CSNK1G3: variants seen among roughly 807,000 people sequenced by gnomAD.
The protein encoded by CSNK1G3 is casein kinase I isoform gamma-3.
A neutral mutation model predicts 64.3 loss-of-function variants in CSNK1G3; 23 were observed. The ratio of observed to expected loss-of-function variants is 0.36; its 90% CI spans 0.26 to 0.51. CSNK1G3 has a LOEUF of 0.51. Ranked by LOEUF, CSNK1G3 falls within the 20% of genes least tolerant of loss-of-function variation. CSNK1G3 has a pLI of 0.96. For synonymous variants in CSNK1G3, 158 were observed against 162.2 expected (o/e 0.97, Z 0.20); for missense variants, 357 against 510.5 (o/e 0.70, Z 2.90).
chr5:123,532,998 ATTATCTT>A (rs1181051185), intron 1 of CSNK1G3, among the ~76,000 whole-genome samples: 1 of 151,856 alleles, frequency 6.6e-6, no homozygotes, highest in Admixed American at 6.6e-5. Flanking sequence ...AAATTTTTGT[ATTATCTT>A]TTAATTCTCC....
At chr5:123,527,891 T>C (rs1284824348) in intron 1 of CSNK1G3, among the ~76,000 whole-genome samples, 1 of 152,180 alleles carries the variant, frequency 6.6e-6, no homozygotes, top group African/African-American at 2.4e-5. Flanking sequence ...CTCCGTGTTT[T>C]CTAACATATT....
intron 6 of CSNK1G3, among the ~76,000 whole-genome samples, chr5:123,577,005 T>C (rs1056136893): frequency 1.3e-5 from 2 of 152,094 alleles, no homozygotes; most frequent in African/African-American, 2.4e-5. Context: ...TATTAATTCT[T>C]ATCTTATTTA....
chr5:123,513,664 A>C (rs1776639841), intron 1 of CSNK1G3, among the ~76,000 whole-genome samples: 2 of 152,266 alleles, frequency 1.3e-5, no homozygotes, highest in Middle Eastern at 3.4e-3. Context: ...CAGATATGAG[A>C]GATGGCAAAC....
At chr5:123,571,310 G>T (rs1232918953) in intron 4 of CSNK1G3, among the ~76,000 whole-genome samples, 1 of 152,040 alleles carries the variant, frequency 6.6e-6, no homozygotes, top group Non-Finnish European at 1.5e-5. Context: ...TTGAGAAGGA[G>T]TCTTGCTCTG....
chr5:123,574,185 T>C (rs1788698212), intron 5 of CSNK1G3, among the ~76,000 whole-genome samples: 1 of 152,160 alleles, frequency 6.6e-6, no homozygotes, highest in Non-Finnish European at 1.5e-5. Context: ...ATAGACTTTA[T>C]GACCTGGAAA....
chr5:123,531,121 C>T (rs374766523), intron 1 of CSNK1G3, among the ~76,000 whole-genome samples: 1 of 151,980 alleles, frequency 6.6e-6, no homozygotes, highest in African/African-American at 2.4e-5. Context: ...TTTGAGATAA[C>T]GAAGCAGTGG....
intron 1 of CSNK1G3, among the ~76,000 whole-genome samples, chr5:123,538,622 C>A: frequency 6.6e-6 from 1 of 152,080 alleles, no homozygotes; most frequent in African/African-American, 2.4e-5. Flanking sequence ...AGGAGAAATA[C>A]CTAATGTAGA....
chr5:123,609,477 A>G (rs1054891068), intron 12 of CSNK1G3, among the ~76,000 whole-genome samples: 2 of 152,204 alleles, frequency 1.3e-5, no homozygotes, highest in Non-Finnish European at 2.9e-5. Context: ...TTTAGTTTCT[A>G]TAATACTAAG....
chr5:123,540,272 G>C (rs761451814), intron 1 of CSNK1G3, among the ~76,000 whole-genome samples: 3 of 150,828 alleles, frequency 2.0e-5, no homozygotes, highest in Non-Finnish European at 3.0e-5. Context: ...TTATTTTTCC[G>C]TTTATCAGCT....
intron 1 of CSNK1G3, among the ~76,000 whole-genome samples, chr5:123,517,898 G>C (rs548473117): frequency 6.8e-6 from 1 of 147,270 alleles, no homozygotes; most frequent in Non-Finnish European, 1.5e-5. Flanking sequence ...TTACACTACT[G>C]CTTAGAGATT....
chr5:123,512,264 A>C (rs1278604235), exon 1 of CSNK1G3: 1 of 152,340 alleles, frequency 6.6e-6, no homozygotes, highest in Admixed American at 6.5e-5. Flanking sequence ...GCTGCTGTGC[A>C]TTCATTCCGG....
chr5:123,553,673 G>A (rs1419364223), intron 3 of CSNK1G3, among the ~76,000 whole-genome samples: 1 of 152,160 alleles, frequency 6.6e-6, no homozygotes, highest in Non-Finnish European at 1.5e-5. Context: ...AAACTCCCGT[G>A]GAATTATTCT....
At chr5:123,572,075 G>T (rs1364659862) in intron 4 of CSNK1G3, among the ~76,000 whole-genome samples, 1 of 152,226 alleles carries the variant, frequency 6.6e-6, no homozygotes, top group African/African-American at 2.4e-5. Flanking sequence ...TGGACAGGCA[G>T]TTCCTGGGCA....
chr5:123,588,604 T>TA (rs201147282), intron 8 of CSNK1G3, 93 bp downstream of exon 8: 3,590 of 712,736 alleles, frequency 5.0e-3, no homozygotes, highest in East Asian at 6.1e-3. Context: ...TTTCTATGCT[T>TA]AAAAAAAAAA....
chr5:123,612,849 C>G (rs1182988113), intron 12 of CSNK1G3, among the ~76,000 whole-genome samples: 1 of 152,082 alleles, frequency 6.6e-6, no homozygotes, highest in African/African-American at 2.4e-5. Flanking sequence ...TATACACAGT[C>G]TGAATTGGCA....
chr5:123,547,002 A>G (rs940641656), intron 2 of CSNK1G3, among the ~76,000 whole-genome samples: 1 of 152,120 alleles, frequency 6.6e-6, no homozygotes, highest in Non-Finnish European at 1.5e-5. Flanking sequence ...AGATACTATG[A>G]AATTCTTAAA....
intron 10 of CSNK1G3, among the ~76,000 whole-genome samples, chr5:123,602,319 C>A (rs1794641159): frequency 6.6e-6 from 1 of 152,138 alleles, no homozygotes; most frequent in South Asian, 2.1e-4. Flanking sequence ...GATATTAATA[C>A]TTTCCTTGGA....
exon 13 of CSNK1G3, chr5:123,615,165 C>T (rs964289572): frequency 3.3e-5 from 5 of 152,402 alleles, no homozygotes; most frequent in African/African-American, 9.7e-5. Flanking sequence ...CTTTATGCTT[C>T]CAAATAATAA....
At chr5:123,605,551 T>C (rs181265847) in intron 12 of CSNK1G3, among the ~76,000 whole-genome samples, 189 bp downstream of exon 13, 3 of 152,270 alleles carry the variant, frequency 2.0e-5, no homozygotes, top group South Asian at 2.1e-4. Context: ...AGGAGCTCTT[T>C]TGCCTGCTGC....
Sources: allele counts gnomAD v4.1 joint callset (sites outside exome capture counted in the v4.1 genomes callset), GRCh38; gene constraint gnomAD v4.1.1; transcripts MANE v1.5; gene names NCBI Gene and HGNC (gene_info 2026-07-23, HGNC 2026-07-21).